The following LRRC4C variants were observed in gnomAD, a reference collection of about 807,000 sequenced individuals.
LRRC4C encodes the protein leucine-rich repeat-containing protein 4C.
Under a neutral mutation model 33.6 loss-of-function variants are expected in LRRC4C, and 5 were observed. The observed-to-expected ratio is 0.15, with a 90% CI of 0.08 to 0.31. The LOEUF (loss-of-function observed/expected upper bound fraction) is 0.31. Ranked by LOEUF, LRRC4C falls within the 10% of genes least tolerant of loss-of-function variation. The pLI is 1.00. For synonymous variants in LRRC4C, 329 were observed against 302.0 expected (o/e 1.09, Z -0.93); for missense variants, 560 against 796.7 (o/e 0.70, Z 3.58).
At chr11:40,235,241 C>T (rs1865476730) in intron 5 of LRRC4C, among the ~76,000 whole-genome samples, 1 of 152,278 alleles carries the variant, frequency 6.6e-6, no homozygotes, top group South Asian at 2.1e-4. Context: ...CACAATTATG[C>T]AGATTAAACA....
chr11:40,600,444 AT>A, intron 3 of LRRC4C, among the ~76,000 whole-genome samples: 1 of 152,196 alleles, frequency 6.6e-6, no homozygotes, highest in Non-Finnish European at 1.5e-5. Flanking sequence ...AAACTACTCA[AT>A]TACTAAGTGG....
At chr11:40,717,945 G>A (rs1946817380) in intron 2 of LRRC4C, among the ~76,000 whole-genome samples, 5 of 152,094 alleles carry the variant, frequency 3.3e-5, no homozygotes, top group Admixed American at 2.6e-4. Context: ...TAACTGATAT[G>A]GAACAGATAT....
rs570137298 is a variant in LRRC4C at position 40,954,087 on chromosome 11, G to C, written c.-495-20364C>G. On this transcript the variant is annotated intron_variant, in intron 1 of 6. Transcript: ENST00000528697. ...TCATACAGTATCAGGGCAAAAGACA[G>C]ACAGCCTCATCAAGGCATCTACTGC... 5.3e-5 allele frequency among the ~76,000 whole-genome samples: 8 copies of C among 152,012 alleles called. No individual in the cohort carries two copies. The East Asian group carries it at 1.6e-3, about 30-fold the overall frequency.
At chr11:40,601,929 G>A (rs888835007) in intron 3 of LRRC4C, among the ~76,000 whole-genome samples, 1 of 152,002 alleles carries the variant, frequency 6.6e-6, no homozygotes, top group Non-Finnish European at 1.5e-5. Context: ...AGTGGCTCAT[G>A]CGTGTAATCC....
chr11:41,034,857 C>T (rs1179577799), intron 1 of LRRC4C, among the ~76,000 whole-genome samples: 1 of 149,752 alleles, frequency 6.7e-6, no homozygotes, highest in Non-Finnish European at 1.5e-5. Context: ...TCCAAAATTT[C>T]CTTCATGGTT....
intron 3 of LRRC4C, among the ~76,000 whole-genome samples, chr11:40,361,113 T>C (rs1947927866): frequency 6.6e-6 from 1 of 152,156 alleles, no homozygotes; most frequent in African/African-American, 2.4e-5. Context: ...ATAAGAGCCA[T>C]GTATGACAAA....
At chr11:40,829,906 G>T (rs1952335142) in intron 2 of LRRC4C, among the ~76,000 whole-genome samples, 1 of 151,966 alleles carries the variant, frequency 6.6e-6, no homozygotes, top group African/African-American at 2.4e-5. Flanking sequence ...TGTGTTTAAA[G>T]TCCCCCAGGA....
At chr11:40,909,853 T>C (rs563291981) in intron 2 of LRRC4C, among the ~76,000 whole-genome samples, 1 of 152,172 alleles carries the variant, frequency 6.6e-6, no homozygotes, top group African/African-American at 2.4e-5. Context: ...TTTGCCTAAA[T>C]TCACAAAGGC....
chr11:40,392,362 A>T (rs1464654939), intron 3 of LRRC4C, among the ~76,000 whole-genome samples: 1 of 152,186 alleles, frequency 6.6e-6, no homozygotes, highest in Non-Finnish European at 1.5e-5. Context: ...TGTCACATAA[A>T]ACATGTATCA....
intron 1 of LRRC4C, among the ~76,000 whole-genome samples, chr11:41,313,506 G>A (rs757632612): frequency 3.3e-5 from 5 of 152,146 alleles, no homozygotes; most frequent in Admixed American, 6.5e-5. Context: ...TCAGGACTCT[G>A]CCAGAAAGAA....
intron 6 of LRRC4C, among the ~76,000 whole-genome samples, chr11:40,127,718 A>G (rs1188074679): frequency 6.6e-6 from 1 of 152,180 alleles, no homozygotes; most frequent in Non-Finnish European, 1.5e-5. Context: ...TGATTATCTG[A>G]CTACTGAGAT....
intron 1 of LRRC4C, among the ~76,000 whole-genome samples, chr11:41,003,491 T>A (rs1475370764): frequency 6.6e-6 from 1 of 152,128 alleles, no homozygotes; most frequent in Non-Finnish European, 1.5e-5. Flanking sequence ...GTATGGAGGC[T>A]ACAACAAGGT....
intron 3 of LRRC4C, among the ~76,000 whole-genome samples, chr11:40,489,811 CT>C (rs1169963565): frequency 6.6e-6 from 1 of 152,056 alleles, no homozygotes; most frequent in Non-Finnish European, 1.5e-5. Context: ...AAATAGGATA[CT>C]TTTATTGACT....
At chr11:40,177,684 T>C (rs1459871177) in intron 5 of LRRC4C, among the ~76,000 whole-genome samples, 1 of 152,206 alleles carries the variant, frequency 6.6e-6, no homozygotes, top group Non-Finnish European at 1.5e-5. Context: ...TCTTTCTCCA[T>C]TGCCATTTTT....
rs202096615 is a variant in LRRC4C, at chr11:40,183,200, A to AT, written c.-95-42348dup. ...AGGGAAGAATGAATTTAATCAAGGC[A>AT]TTTTTTTTTCTCTTTAAAAGTCATC... On this transcript the variant is annotated intron_variant, in intron 5 of 6. Transcript: ENST00000528697. 5.3e-4 allele frequency among the ~76,000 whole-genome samples: 80 copies of AT among 151,614 alleles called. 1 individual carries two copies. The highest frequency in any genetic ancestry group is 1.6e-3 in the African/African-American group (66 of 41,338).
chr11:40,840,669 T>C (rs1016821249), intron 2 of LRRC4C, among the ~76,000 whole-genome samples: 7 of 152,172 alleles, frequency 4.6e-5, no homozygotes, highest in African/African-American at 1.4e-4. Flanking sequence ...TTTCTTCTTC[T>C]AGGCAAATCA....
At chr11:40,984,556 AT>A (rs2137150388) in intron 1 of LRRC4C, among the ~76,000 whole-genome samples, 1 of 152,234 alleles carries the variant, frequency 6.6e-6, no homozygotes, top group East Asian at 1.9e-4. Flanking sequence ...AGTAGGGTGA[AT>A]GAGAGAGGAG....
intron 3 of LRRC4C, among the ~76,000 whole-genome samples, chr11:40,497,295 T>G (rs2138582242): frequency 6.6e-6 from 1 of 152,056 alleles, no homozygotes; most frequent in South Asian, 2.1e-4. Context: ...TCCCAGCTAC[T>G]TCGGAGGCTG....
intron 1 of LRRC4C, among the ~76,000 whole-genome samples, chr11:41,127,744 A>G (rs1219359763): frequency 6.6e-6 from 1 of 151,792 alleles, no homozygotes; most frequent in Admixed American, 6.6e-5. Context: ...TCAACAAAAC[A>G]TTGCTATGTT....
Sources: gnomAD v4.1 joint callset for allele counts (sites outside exome capture counted in the v4.1 genomes callset) on GRCh38, gnomAD v4.1.1 for gene constraint, MANE v1.5 for transcripts, NCBI Gene and HGNC (gene_info 2026-07-23, HGNC 2026-07-21) for gene names.